Variants in CFAP299 observed in about 807,000 individuals in gnomAD.
CFAP299 encodes cilia- and flagella-associated protein 299.
In CFAP299, 21 loss-of-function variants were observed where a neutral mutation model predicts 27.0. The ratio of observed to expected loss-of-function variants is 0.78; its 90% CI spans 0.55 to 1.12. The LOEUF (loss-of-function observed/expected upper bound fraction) is 1.12. Ranked by LOEUF, CFAP299 falls within the 50% of genes most tolerant of loss-of-function variation. The pLI is 0.00. For missense variants in CFAP299, 310 were observed against 276.6 expected (o/e 1.12, Z -0.86); for synonymous variants, 104 against 98.1 (o/e 1.06, Z -0.36).
At chr4:80,441,713 C>T (rs555074091) in intron 2 of CFAP299, among the ~76,000 whole-genome samples, 11 of 152,250 alleles carry the variant, frequency 7.2e-5, no homozygotes, top group African/African-American at 2.2e-4. Context: ...TAATATTAAC[C>T]TTAAATGTAA....
chr4:80,778,634 T>G (rs529417047), intron 3 of CFAP299, among the ~76,000 whole-genome samples: 23 of 152,156 alleles, frequency 1.5e-4, no homozygotes, highest in Non-Finnish European at 2.8e-4. Flanking sequence ...TCGCATGCAG[T>G]CTTCCTCTTC....
chr4:80,574,962 AATACTGGC>A (rs375813512), intron 2 of CFAP299, among the ~76,000 whole-genome samples: 18,503 of 152,034 alleles, frequency 0.12, 1,345 homozygotes, highest in South Asian at 0.23. Context: ...GTATCAAAGT[AATACTGGC>A]CTTGTAGAAT....
chr4:80,510,784 C>G (rs1176071907), intron 2 of CFAP299, among the ~76,000 whole-genome samples: 1 of 152,156 alleles, frequency 6.6e-6, no homozygotes, highest in Admixed American at 6.6e-5. Flanking sequence ...TCAAGACTTG[C>G]AAGTGAACAT....
the CFAP299 span, among the ~76,000 whole-genome samples, chr4:80,322,085 C>G: frequency 6.6e-6 from 1 of 152,136 alleles, no homozygotes; most frequent in Non-Finnish European, 1.5e-5. Context: ...TGGGCTGGGG[C>G]AATTGTGACT....
intron 3 of CFAP299, among the ~76,000 whole-genome samples, chr4:80,749,056 T>C (rs1389190): frequency 0.14 from 20,858 of 152,180 alleles, 1,718 homozygotes; most frequent in South Asian, 0.23. Context: ...CACTATTATA[T>C]AGGCAGCATT....
intron 3 of CFAP299, among the ~76,000 whole-genome samples, chr4:80,584,487 C>A (rs940688882): frequency 6.6e-6 from 1 of 151,956 alleles, no homozygotes; most frequent in African/African-American, 2.4e-5. Context: ...TATTTTGAGA[C>A]AATAATTTCC....
chr4:80,421,935 C>T (rs971703797), intron 2 of CFAP299, among the ~76,000 whole-genome samples: 2 of 152,188 alleles, frequency 1.3e-5, no homozygotes, highest in South Asian at 2.1e-4. Context: ...TTAATATGGT[C>T]GTCAGCAAAA....
At chr4:80,345,861 C>A (rs1002332502) in intron 1 of CFAP299, among the ~76,000 whole-genome samples, 1 of 152,216 alleles carries the variant, frequency 6.6e-6, no homozygotes, top group African/African-American at 2.4e-5. Context: ...CTGTCTTCCA[C>A]AATGGTTGAA....
At chr4:80,589,788 C>A (rs530226804) in intron 3 of CFAP299, among the ~76,000 whole-genome samples, 3 of 152,038 alleles carry the variant, frequency 2.0e-5, no homozygotes, top group African/African-American at 7.2e-5. Context: ...TTAAAGAGAC[C>A]AGTTACTTCA....
At chr4:80,716,690 A>G (rs1722505598) in intron 3 of CFAP299, among the ~76,000 whole-genome samples, 1 of 152,154 alleles carries the variant, frequency 6.6e-6, no homozygotes, top group Admixed American at 6.6e-5. Context: ...ACTGAGTGAA[A>G]TTACATGATA....
At chr4:80,540,655 C>T (rs557185477) in intron 2 of CFAP299, among the ~76,000 whole-genome samples, 2 of 152,136 alleles carry the variant, frequency 1.3e-5, no homozygotes, top group South Asian at 2.1e-4. Context: ...GGATATCCAG[C>T]GTGTTTCTAC....
intron 3 of CFAP299, among the ~76,000 whole-genome samples, chr4:80,603,818 G>A (rs1471401311): frequency 6.6e-6 from 1 of 152,030 alleles, no homozygotes; most frequent in South Asian, 2.1e-4. Flanking sequence ...AGTAATTCAA[G>A]AATAAAAAAC....
At chr4:80,858,688 G>C (rs1419009106) in intron 3 of CFAP299, among the ~76,000 whole-genome samples, 2 of 152,092 alleles carry the variant, frequency 1.3e-5, no homozygotes, top group Non-Finnish European at 2.9e-5. Flanking sequence ...TTCAGGAGCA[G>C]GTTGTTCAGT....
At chr4:80,870,629 C>A in intron 4 of CFAP299, 1 of 985,838 alleles carries the variant, frequency 1.0e-6, no homozygotes, top group Non-Finnish European at 1.2e-6. Flanking sequence ...ATTCTAGAAC[C>A]CTTATCTATC....
intron 3 of CFAP299, among the ~76,000 whole-genome samples, chr4:80,641,633 G>A (rs894343600): frequency 3.3e-5 from 5 of 152,094 alleles, no homozygotes; most frequent in African/African-American, 1.2e-4. Flanking sequence ...ATTATGTTAG[G>A]TGCTGTACAG....
intron 3 of CFAP299, among the ~76,000 whole-genome samples, chr4:80,727,388 T>C (rs1193944578): frequency 6.6e-6 from 1 of 152,106 alleles, no homozygotes; most frequent in Non-Finnish European, 1.5e-5. Context: ...CACTTTACTC[T>C]TTCAAAAGTG....
At chr4:80,673,557 A>T (rs1375551722) in intron 3 of CFAP299, among the ~76,000 whole-genome samples, 8 of 152,048 alleles carry the variant, frequency 5.3e-5, no homozygotes, top group Admixed American at 5.2e-4. Flanking sequence ...TCAAGTCTGG[A>T]TATCCTTATT....
intron 2 of CFAP299, among the ~76,000 whole-genome samples, chr4:80,516,354 G>A (rs751006713): frequency 6.6e-6 from 1 of 152,038 alleles, no homozygotes; most frequent in Non-Finnish European, 1.5e-5. Flanking sequence ...AATACCTTAG[G>A]CTAGGTAATT....
intron 2 of CFAP299, among the ~76,000 whole-genome samples, chr4:80,567,727 GTATT>G (rs955488071): frequency 3.6e-5 from 1 of 27,762 alleles, no homozygotes; most frequent in Non-Finnish European, 6.6e-5. Context: ...CTATTCTAAT[GTATT>G]TATATATATA....
Sources: allele counts gnomAD v4.1 joint callset (sites outside exome capture counted in the v4.1 genomes callset), GRCh38; gene constraint gnomAD v4.1.1; transcripts MANE v1.5; gene names NCBI Gene and HGNC (gene_info 2026-07-23, HGNC 2026-07-21).